Variants in TSHZ2 observed in about 807,000 individuals in gnomAD.
The protein encoded by TSHZ2 is teashirt homolog 2.
A neutral mutation model predicts 74.4 loss-of-function variants in TSHZ2; 21 were observed. That is an observed-to-expected ratio of 0.28 (90% CI 0.20 to 0.41). The LOEUF is 0.41. TSHZ2 is among the 10% of genes least tolerant of loss of function. The pLI is 1.00. For missense variants in TSHZ2, 1,244 were observed against 1,293.5 expected, an observed-to-expected ratio of 0.96 and a Z score of 0.59; for synonymous variants, 540 against 515.3, an observed-to-expected ratio of 1.05 and a Z score of -0.65.
chr20:53,416,483 A>G (rs1408063659), intron 2 of TSHZ2, among the ~76,000 whole-genome samples: 1 of 152,222 alleles, frequency 6.6e-6, no homozygotes, highest in Non-Finnish European at 1.5e-5. Context: ...AGCCTCTACC[A>G]GGAAAAAGGG....
chr20:53,341,363 C>T (rs1980195405), intron 2 of TSHZ2, among the ~76,000 whole-genome samples: 1 of 152,192 alleles, frequency 6.6e-6, no homozygotes, highest in Non-Finnish European at 1.5e-5. Context: ...CCCAGTTTGC[C>T]TGAGACTGAG....
At chr20:53,098,372 A>G (rs1198551404) in intron 1 of TSHZ2, among the ~76,000 whole-genome samples, 1 of 152,230 alleles carries the variant, frequency 6.6e-6, no homozygotes, top group African/African-American at 2.4e-5. Flanking sequence ...ACAGTCAAAA[A>G]ATTATAGTTA....
At chr20:53,441,090 G>C (rs1984294707) in intron 2 of TSHZ2, among the ~76,000 whole-genome samples, 1 of 152,176 alleles carries the variant, frequency 6.6e-6, no homozygotes, top group East Asian at 1.9e-4. Flanking sequence ...TCTTAGGGAG[G>C]TGGCATGGGA....
chr20:53,240,959 A>G (rs1367871380), intron 1 of TSHZ2, among the ~76,000 whole-genome samples: 1 of 152,202 alleles, frequency 6.6e-6, no homozygotes, highest in African/African-American at 2.4e-5. Flanking sequence ...GGTGTTCACC[A>G]CTGGAGAATA....
At position 53,254,740 on chromosome 20, in the gene TSHZ2, A is replaced by G; in HGVS notation, c.1282A>G (p.Lys428Glu). 1 of 1,613,652 alleles carries G rather than the reference A, an allele frequency of 6.2e-7. No homozygotes were observed. The highest frequency in any genetic ancestry group is 8.5e-7 in the Non-Finnish European group (1 of 1,179,644). ...QLVLDPLAVEKMQSLSEAPNS... is the reference protein window; with the variant it reads ...QLVLDPLAVEEMQSLSEAPNS... Reference sequence around the variant, plus strand: ...GGTATTAGACCCGTTAGCAGTGGAGAAAATGCAGTCGTTGTCTGAGGCCCC... The same window carrying G: ...GGTATTAGACCCGTTAGCAGTGGAGGAAATGCAGTCGTTGTCTGAGGCCCC... The change falls in exon 2 of 3, where the codon AAA becomes GAA. Residue 428 changes from lysine (K) to glutamate (E), a missense_variant. Coordinates refer to ENST00000371497, the MANE Select transcript of TSHZ2 (RefSeq NM_173485.6).
intron 2 of TSHZ2, among the ~76,000 whole-genome samples, chr20:53,373,982 ATTTAT>A (rs1400300341): frequency 1.3e-5 from 2 of 152,186 alleles, no homozygotes; most frequent in African/African-American, 2.4e-5. Context: ...ACAAAAACCT[ATTTAT>A]TTTAACTTTT....
chr20:53,468,408 C>T (rs1985624870), intron 2 of TSHZ2, among the ~76,000 whole-genome samples: 1 of 152,168 alleles, frequency 6.6e-6, no homozygotes, highest in South Asian at 2.1e-4. Context: ...TCTAAGCTGA[C>T]ACACAGTTAA....
chr20:53,430,257 A>C (rs915031735), intron 2 of TSHZ2, among the ~76,000 whole-genome samples: 2 of 151,568 alleles, frequency 1.3e-5, no homozygotes, highest in African/African-American at 4.9e-5. Flanking sequence ...GGCTCCCTCC[A>C]ACACACCCAG....
intron 1 of TSHZ2, among the ~76,000 whole-genome samples, chr20:52,987,179 T>C (rs571763404): frequency 5.3e-5 from 8 of 152,154 alleles, no homozygotes; most frequent in Non-Finnish European, 8.8e-5. Flanking sequence ...TTTGCAAATA[T>C]GGAGGGAATG....
intron 1 of TSHZ2, among the ~76,000 whole-genome samples, chr20:53,073,168 TCATCCATCTATCCCTC>T (rs1479764981): frequency 6.8e-6 from 1 of 147,800 alleles, no homozygotes; most frequent in Non-Finnish European, 1.5e-5. Context: ...CTCCATTCCT[TCATCCATCTATCCCTC>T]CATCCATCCC....
intron 1 of TSHZ2, among the ~76,000 whole-genome samples, chr20:53,017,367 G>A (rs780884727): frequency 6.6e-6 from 1 of 152,136 alleles, no homozygotes; most frequent in African/African-American, 2.4e-5. Context: ...TTCTCCCTGA[G>A]GATCTCTCAA....
chr20:53,011,579 A>G (rs896766103), intron 1 of TSHZ2, among the ~76,000 whole-genome samples: 1 of 152,208 alleles, frequency 6.6e-6, no homozygotes, highest in Non-Finnish European at 1.5e-5. Flanking sequence ...CATTTCTGAG[A>G]TGATTTTTTT....
At chr20:53,359,097 A>G (rs1467066630) in intron 2 of TSHZ2, among the ~76,000 whole-genome samples, 1 of 152,080 alleles carries the variant, frequency 6.6e-6, no homozygotes, top group Non-Finnish European at 1.5e-5. Flanking sequence ...ATCTGTAAGT[A>G]CTATTTTTTT....
intron 2 of TSHZ2, among the ~76,000 whole-genome samples, chr20:53,372,802 G>A (rs535661544): frequency 6.6e-5 from 10 of 152,160 alleles, no homozygotes; most frequent in Admixed American, 2.0e-4. Flanking sequence ...TTTTAAACCC[G>A]ATAGCTCCTC....
At chr20:53,064,689 A>ACACAC (rs1984922673) in intron 1 of TSHZ2, among the ~76,000 whole-genome samples, 1 of 150,740 alleles carries the variant, frequency 6.6e-6, no homozygotes, top group African/African-American at 2.4e-5. Context: ...TAGACAGAGA[A>ACACAC]ACACACACAC....
chr20:53,453,759 C>T (rs762776393), intron 2 of TSHZ2, among the ~76,000 whole-genome samples: 1 of 152,138 alleles, frequency 6.6e-6, no homozygotes, highest in African/African-American at 2.4e-5. Context: ...TGGACAAACT[C>T]GAAGCTTTAG....
intron 2 of TSHZ2, among the ~76,000 whole-genome samples, chr20:53,365,016 A>G (rs1010716388): frequency 6.6e-6 from 1 of 152,266 alleles, no homozygotes; most frequent in African/African-American, 2.4e-5. Context: ...GCCAACAGGC[A>G]GAACAGCCAA....
intron 2 of TSHZ2, among the ~76,000 whole-genome samples, chr20:53,377,678 G>A (rs536769260): frequency 1.3e-5 from 2 of 150,586 alleles, no homozygotes; most frequent in South Asian, 2.2e-4. Context: ...TGAGCAACAC[G>A]GCAAAACCCC....
rs3070069 is a variant in TSHZ2 at position 53,038,884 on chromosome 20, TTTTGTTTG to T, written c.40+65571_40+65578del. ...GTTTTTTTTTTGTTTGTTTGTTTTG[TTTTGTTTG>T]TTTGTTTGTTTGTTTGTTTTTGAGA... is the stretch of plus-strand genomic sequence containing the variant. On this transcript the variant is annotated intron_variant, in intron 1 of 2. Transcript: ENST00000371497. Among the ~76,000 whole-genome samples, 1,024 of 144,286 alleles carry T rather than the reference TTTTGTTTG, an allele frequency of 7.1e-3. 10 individuals are homozygous for T. The highest frequency in any genetic ancestry group is 0.011 in the Non-Finnish European group (754 of 67,112). The allele number at this position is 144,286 out of a possible 152,430, so 94.7% of individuals were successfully genotyped here. A position where few individuals can be genotyped will look rare whatever the true frequency, so the allele number is the denominator to read the frequency against.
Sources: gnomAD v4.1 joint callset for allele counts (sites outside exome capture counted in the v4.1 genomes callset) on GRCh38, gnomAD v4.1.1 for gene constraint, MANE v1.5 for transcripts, NCBI Gene and HGNC (gene_info 2026-07-23, HGNC 2026-07-21) for gene names.